Variants in SND1 observed in about 807,000 individuals in gnomAD.
The protein encoded by SND1 is staphylococcal nuclease domain-containing protein 1.
Under a neutral mutation model 121.7 loss-of-function variants are expected in SND1, and 38 were observed. The observed-to-expected ratio is 0.31, with a 90% CI of 0.24 to 0.41. The LOEUF (loss-of-function observed/expected upper bound fraction) is 0.41. Among genes scored for constraint, SND1 ranks in the 10% least tolerant of loss-of-function variants. The pLI is 1.00. For synonymous variants in SND1, 401 were observed against 447.4 expected (o/e 0.90, Z 1.31); for missense variants, 868 against 1,184.6 (o/e 0.73, Z 3.92).
intron 15 of SND1, among the ~76,000 whole-genome samples, chr7:127,953,228 G>T (rs1801508578): frequency 7.1e-6 from 1 of 140,270 alleles, no homozygotes; most frequent in Non-Finnish European, 1.5e-5. Flanking sequence ...GTGTATGTAT[G>T]AAAAGAAGAA....
intron 10 of SND1, among the ~76,000 whole-genome samples, chr7:127,760,260 A>G (rs1354167073): frequency 1.3e-5 from 2 of 152,204 alleles, no homozygotes; most frequent in Admixed American, 6.5e-5. Flanking sequence ...TGGAAAAGGA[A>G]TGGACTTTAA....
chr7:127,759,023 T>C (rs563350128), intron 10 of SND1, among the ~76,000 whole-genome samples: 137 of 151,756 alleles, frequency 9.0e-4, no homozygotes, highest in African/African-American at 3.1e-3. Context: ...CACTGCACTC[T>C]GGCCTGGGCG....
intron 16 of SND1, among the ~76,000 whole-genome samples, chr7:128,032,452 T>G (rs1398065291): frequency 6.6e-6 from 1 of 151,528 alleles, no homozygotes; most frequent in East Asian, 2.0e-4. Context: ...GCAGCTATTT[T>G]GGGCCGGTCG....
intron 11 of SND1, among the ~76,000 whole-genome samples, chr7:127,814,744 A>G (rs1798398827): frequency 6.6e-6 from 1 of 152,122 alleles, no homozygotes; most frequent in African/African-American, 2.4e-5. Context: ...TATGCTCTGT[A>G]AAGTTGGGCT....
intron 10 of SND1, among the ~76,000 whole-genome samples, chr7:127,770,812 C>G (rs1412315509): frequency 6.6e-6 from 1 of 152,080 alleles, no homozygotes; most frequent in Non-Finnish European, 1.5e-5. Context: ...TTAATTGCTT[C>G]TATATGCTTA....
chr7:127,681,768 A>G (rs1795732158), intron 1 of SND1, among the ~76,000 whole-genome samples: 1 of 152,068 alleles, frequency 6.6e-6, no homozygotes, highest in South Asian at 2.1e-4. Flanking sequence ...TTATCCTGGC[A>G]CCCTTGTTCA....
At chr7:127,858,490 G>A (rs1799323475) in intron 12 of SND1, 1 of 560,762 alleles carries the variant, frequency 1.8e-6, no homozygotes, top group South Asian at 1.9e-5. Context: ...CATTTCTAGA[G>A]CTTTTACCTG....
intron 15 of SND1, among the ~76,000 whole-genome samples, chr7:127,959,505 TC>T (rs1371633032): frequency 6.6e-6 from 1 of 152,182 alleles, no homozygotes; most frequent in Admixed American, 6.5e-5. Flanking sequence ...CTCCTGCTCT[TC>T]CCACTTCACT....
chr7:127,668,934 C>T (rs1461753457), intron 1 of SND1, among the ~76,000 whole-genome samples: 4 of 152,230 alleles, frequency 2.6e-5, no homozygotes, highest in Non-Finnish European at 5.9e-5. Flanking sequence ...TGCATTCTCC[C>T]CTCAGTAGTT....
intron 16 of SND1, among the ~76,000 whole-genome samples, chr7:128,001,918 C>T (rs1041383297): frequency 6.6e-6 from 1 of 151,974 alleles, no homozygotes; most frequent in African/African-American, 2.4e-5. Flanking sequence ...GCAACAAGAG[C>T]GAAACTCCAT....
intron 10 of SND1, among the ~76,000 whole-genome samples, chr7:127,740,684 G>T (rs938330055): frequency 2.0e-4 from 31 of 152,136 alleles, no homozygotes; most frequent in African/African-American, 7.5e-4. Context: ...CCAAGGGGGT[G>T]GGGGGTGGTC....
intron 10 of SND1, among the ~76,000 whole-genome samples, chr7:127,747,505 T>C (rs930593047): frequency 6.6e-6 from 1 of 152,254 alleles, no homozygotes; most frequent in African/African-American, 2.4e-5. Flanking sequence ...GAATGATTTT[T>C]CTAGCTACAG....
At chr7:127,729,248 G>A (rs1203986139) in intron 10 of SND1, among the ~76,000 whole-genome samples, 1 of 151,904 alleles carries the variant, frequency 6.6e-6, no homozygotes, top group African/African-American at 2.4e-5. Context: ...TTGATTCATT[G>A]AAGTTTATAG....
At chr7:127,924,618 G>A (rs1173671710) in intron 14 of SND1, among the ~76,000 whole-genome samples, 1 of 152,150 alleles carries the variant, frequency 6.6e-6, no homozygotes, top group Non-Finnish European at 1.5e-5. Flanking sequence ...CCTCTAGGAA[G>A]CAGGTGACCT....
chr7:127,886,671 T>G (rs1799914685), intron 12 of SND1, among the ~76,000 whole-genome samples: 3 of 152,080 alleles, frequency 2.0e-5, no homozygotes, highest in African/African-American at 7.2e-5. Context: ...TGAAAATTTG[T>G]TTTTGCAGTT....
intron 1 of SND1, among the ~76,000 whole-genome samples, chr7:127,652,767 C>T (rs1162750355): frequency 6.6e-6 from 1 of 152,172 alleles, no homozygotes; most frequent in Non-Finnish European, 1.5e-5. Flanking sequence ...TATCTGTCCT[C>T]CCATCCCCCG....
At chr7:127,820,520 A>G (rs945119155) in intron 11 of SND1, among the ~76,000 whole-genome samples, 19 of 152,352 alleles carry the variant, frequency 1.2e-4, no homozygotes, top group South Asian at 1.2e-3. Flanking sequence ...AGTTAATCAC[A>G]GCTTTCCAAG....
intron 16 of SND1, among the ~76,000 whole-genome samples, chr7:128,046,110 C>T (rs779688637): frequency 6.6e-6 from 1 of 152,066 alleles, no homozygotes; most frequent in African/African-American, 2.4e-5. Context: ...AAATTTTTCT[C>T]CCTGAAGCCA....
At chr7:128,030,916 G>A (rs1345558254) in intron 16 of SND1, 3 of 353,220 alleles carry the variant, frequency 8.5e-6, no homozygotes, top group African/African-American at 6.3e-5. Flanking sequence ...CACCTACCTC[G>A]GAAGGAAGGC....
Sources: allele counts gnomAD v4.1 joint callset (sites outside exome capture counted in the v4.1 genomes callset), GRCh38; gene constraint gnomAD v4.1.1; transcripts MANE v1.5; gene names NCBI Gene and HGNC (gene_info 2026-07-23, HGNC 2026-07-21).